AMMECR1: variants seen among roughly 807,000 people sequenced by gnomAD.
AMMECR1 encodes AMMECR nuclear protein 1.
AMMECR1 carries 3 observed loss-of-function variants against 22.5 expected under a neutral mutation model. That is an observed-to-expected ratio of 0.13 (90% CI 0.06 to 0.35). The LOEUF (loss-of-function observed/expected upper bound fraction) is 0.35. AMMECR1 is among the 10% of genes least tolerant of loss of function. The pLI is 1.00. For missense variants in AMMECR1, 235 were observed against 278.7 expected (o/e 0.84, Z 1.12); for synonymous variants, 130 against 116.7 (o/e 1.11, Z -0.74).
intron 2 of AMMECR1, among the ~76,000 whole-genome samples, chrX:110,404,796 A>G (rs965527144): frequency 8.9e-6 from 1 of 111,735 alleles, no homozygotes; most frequent in Non-Finnish European, 1.9e-5. Flanking sequence ...AAACTCACTA[A>G]TTAAGCCTGT....
At chrX:110,355,450 T>A (rs2148244878) in intron 2 of AMMECR1, among the ~76,000 whole-genome samples, 1 of 111,927 alleles carries the variant, frequency 8.9e-6, no homozygotes, top group South Asian at 3.7e-4. Flanking sequence ...GATAGACATT[T>A]CTTAAGAGTT....
chrX:110,216,683 C>A, intron 2 of AMMECR1, 51 bp from the exon 3 acceptor site: 1 of 804,741 alleles, frequency 1.2e-6, no homozygotes, highest in Non-Finnish European at 1.8e-6. Flanking sequence ...TGAAAGTTCC[C>A]AATTTCAAAT....
chrX:110,288,848 C>T (rs2067893937), intron 1 of AMMECR1, among the ~76,000 whole-genome samples: 1 of 112,177 alleles, frequency 8.9e-6, no homozygotes, highest in African/African-American at 3.2e-5. Context: ...TAATCCCTCA[C>T]TTATTCAACC....
intron 1 of AMMECR1, among the ~76,000 whole-genome samples, chrX:110,289,635 G>C (rs1240059397): frequency 1.8e-5 from 2 of 111,639 alleles, no homozygotes; most frequent in East Asian, 5.6e-4. Flanking sequence ...AGGCAAATGT[G>C]CCCAGCCTAT....
At chrX:110,330,178 C>G (rs910033006) in intron 2 of AMMECR1, among the ~76,000 whole-genome samples, 2 of 111,868 alleles carry the variant, frequency 1.8e-5, no homozygotes, top group South Asian at 7.5e-4. Context: ...ACACTTCAAT[C>G]CTCCCACTCC....
chrX:110,295,340 T>G (rs2067930060), intron 1 of AMMECR1, among the ~76,000 whole-genome samples: 1 of 111,546 alleles, frequency 9.0e-6, no homozygotes, highest in Non-Finnish European at 1.9e-5. Flanking sequence ...GATATGTTAC[T>G]AAACCATGCT....
intron 5 of AMMECR1, among the ~76,000 whole-genome samples, chrX:110,199,792 C>T (rs1024348866): frequency 1.8e-5 from 2 of 111,010 alleles, no homozygotes; most frequent in East Asian, 2.8e-4. Context: ...ATAATACCAA[C>T]GCTTCCTGGC....
At position 110,197,930 on chromosome X, in the gene AMMECR1, G is replaced by T. The variant is rs2067378477; in HGVS notation, c.*590C>A. On this transcript the variant is annotated 3_prime_UTR_variant, in exon 6 of 6. Coordinates refer to ENST00000262844, the MANE Select transcript of AMMECR1 (RefSeq NM_015365.3). ...TGGGAAAAACATATACTTAAGGAGT[G>T]AAGACCCAACTACTAGGCTGTCATA... 8.9e-6 allele frequency: 1 copy of T among 111,785 alleles called. No individual in the cohort carries two copies. Among genetic ancestry groups the T allele is most frequent in the South Asian group, 3.7e-4 (1 of 2,681 alleles). 9.2% of individuals were successfully genotyped at this position (111,785 alleles called of 1,213,427 possible).
chrX:110,215,314 A>G (rs1159528879), intron 3 of AMMECR1, among the ~76,000 whole-genome samples: 2 of 111,760 alleles, frequency 1.8e-5, no homozygotes. Flanking sequence ...TAGCTCTGGT[A>G]TAACAACAAT....
chrX:110,254,643 A>G (rs770488638), intron 2 of AMMECR1, among the ~76,000 whole-genome samples: 35 of 111,830 alleles, frequency 3.1e-4, no homozygotes, highest in Non-Finnish European at 5.5e-4. Context: ...GATACAAAAA[A>G]AAAGAAAGAA....
At position 110,218,187 on chromosome X, in the gene AMMECR1, G is replaced by A. The variant is rs187179785; in HGVS notation, c.585-1555C>T. On this transcript the variant is annotated intron_variant, in intron 2 of 5. Transcript: ENST00000262844. ...TAAAGACGTGTGTGTGTAACCACCC[G>A]CATCCCCCAACGCCACACAGGAAAG... Among the ~76,000 whole-genome samples, 73 of 110,716 alleles carry A rather than the reference G, an allele frequency of 6.6e-4. No individual in the cohort carries two copies. In the South Asian group the frequency reaches 0.017, roughly 26 times the overall value.
intron 2 of AMMECR1, among the ~76,000 whole-genome samples, chrX:110,414,161 T>C (rs1015187534): frequency 1.8e-5 from 2 of 112,708 alleles, no homozygotes; most frequent in Non-Finnish European, 3.7e-5. Context: ...TCTGTGCTTA[T>C]GCCCAGATGG....
At chrX:110,433,245 G>A (rs1356350566) in intron 1 of AMMECR1, among the ~76,000 whole-genome samples, 1 of 112,538 alleles carries the variant, frequency 8.9e-6, no homozygotes, top group African/African-American at 3.2e-5. Flanking sequence ...GGTGCTTATG[G>A]GAGACAAAAC....
At chrX:110,390,135 A>G (rs2068484823) in intron 2 of AMMECR1, among the ~76,000 whole-genome samples, 1 of 111,786 alleles carries the variant, frequency 8.9e-6, no homozygotes, top group African/African-American at 3.3e-5. Flanking sequence ...TAAATAAAAT[A>G]CCTGCCTACA....
chrX:110,235,779 C>G (rs1230121658), intron 2 of AMMECR1, among the ~76,000 whole-genome samples: 1 of 111,221 alleles, frequency 9.0e-6, no homozygotes, highest in Non-Finnish European at 1.9e-5. Flanking sequence ...CACTTGGACA[C>G]AGGGTGCGGG....
chrX:110,238,189 A>G (rs922990208), intron 2 of AMMECR1, among the ~76,000 whole-genome samples: 2 of 112,078 alleles, frequency 1.8e-5, no homozygotes, highest in African/African-American at 6.5e-5. Context: ...TCACTAAAAC[A>G]AGCAAAACTA....
intron 2 of AMMECR1, among the ~76,000 whole-genome samples, chrX:110,397,909 TCAA>T (rs1232087122): frequency 8.9e-6 from 1 of 112,010 alleles, no homozygotes. Context: ...GTGCATTTAC[TCAA>T]CAAAATGATT....
intron 2 of AMMECR1, among the ~76,000 whole-genome samples, chrX:110,328,035 A>G (rs928343213): frequency 8.9e-6 from 1 of 111,895 alleles, no homozygotes; most frequent in East Asian, 2.8e-4. Flanking sequence ...TAAAAGGTAA[A>G]GAGGAAGGGT....
At chrX:110,254,643 AAAAG>A (rs1351772935) in intron 2 of AMMECR1, among the ~76,000 whole-genome samples, 1 of 111,830 alleles carries the variant, frequency 8.9e-6, no homozygotes, top group African/African-American at 3.2e-5. Context: ...GATACAAAAA[AAAAG>A]AAAGAAAAAA....
Sources: gnomAD v4.1 joint callset for allele counts (sites outside exome capture counted in the v4.1 genomes callset) on GRCh38, gnomAD v4.1.1 for gene constraint, MANE v1.5 for transcripts, NCBI Gene and HGNC (gene_info 2026-07-23, HGNC 2026-07-21) for gene names.